Variants in SNX24 observed in about 807,000 individuals in gnomAD.
SNX24 encodes sorting nexin-24.
In SNX24, 22 loss-of-function variants were observed where a neutral mutation model predicts 28.7. That is an observed-to-expected ratio of 0.77 (90% confidence interval 0.55 to 1.10). The LOEUF is 1.10. SNX24 is among the 50% of genes least tolerant of loss of function. The pLI is 0.00. For synonymous variants in SNX24, 69 were observed against 71.5 expected (o/e 0.96, Z 0.18); for missense variants, 221 against 201.1 (o/e 1.10, Z -0.60).
chr5:122,988,871 C>T (rs933932177), intron 3 of SNX24, among the ~76,000 whole-genome samples: 2 of 152,078 alleles, frequency 1.3e-5, no homozygotes, highest in Non-Finnish European at 2.9e-5. Flanking sequence ...ATAGACTGTG[C>T]ATGAACCTAA....
chr5:122,940,947 C>T lies in SNX24; in HGVS notation c.144+4130C>T, dbSNP rs1251826483. On this transcript the variant is annotated intron_variant, in intron 2 of 6. Coordinates refer to ENST00000261369, the MANE Select transcript of SNX24 (RefSeq NM_014035.4). ...AGAATCTGTTTCCTTGCCTTTTCCACCATTCCTCGTCTCGTGGCCTCTTTC... is the reference window on the plus strand; with the variant it reads ...AGAATCTGTTTCCTTGCCTTTTCCATCATTCCTCGTCTCGTGGCCTCTTTC... 2.0e-5 allele frequency among the ~76,000 whole-genome samples: 3 copies of T among 152,192 alleles called. 1 individual carries two copies. The East Asian group carries it at 5.8e-4, about 29-fold the overall frequency.
chr5:122,915,899 A>G (rs1024617027), intron 1 of SNX24, among the ~76,000 whole-genome samples: 3 of 151,412 alleles, frequency 2.0e-5, no homozygotes, highest in Non-Finnish European at 2.9e-5. Flanking sequence ...TCCACCGTCA[A>G]CTCCCCCCAG....
chr5:122,962,768 G>A (rs1223725053), intron 3 of SNX24, among the ~76,000 whole-genome samples: 2 of 152,230 alleles, frequency 1.3e-5, no homozygotes, highest in African/African-American at 4.8e-5. Context: ...TGGCCCCAGA[G>A]CTTTGATTGG....
At chr5:122,910,818 T>A (rs972308849) in intron 1 of SNX24, among the ~76,000 whole-genome samples, 23 of 151,752 alleles carry the variant, frequency 1.5e-4, no homozygotes, top group Admixed American at 2.6e-4. Context: ...TTATGGCTGC[T>A]TAGTATTCCA....
intron 3 of SNX24, among the ~76,000 whole-genome samples, chr5:122,995,673 A>G (rs1267496862): frequency 6.6e-6 from 1 of 152,158 alleles, no homozygotes; most frequent in East Asian, 1.9e-4. Flanking sequence ...TATACCTGTA[A>G]AATTTATTGG....
At chr5:123,017,598 A>G (rs115328214) in intron 5 of SNX24, among the ~76,000 whole-genome samples, 19,836 of 152,000 alleles carry the variant, frequency 0.13, 1,588 homozygotes, top group East Asian at 0.36. Context: ...GTCCCCACCC[A>G]AATCTCATCT....
At chr5:122,971,491 C>T (rs1760956863) in intron 3 of SNX24, among the ~76,000 whole-genome samples, 1 of 152,150 alleles carries the variant, frequency 6.6e-6, no homozygotes, top group African/African-American at 2.4e-5. Context: ...ATACACATCT[C>T]CTGAAATCAT....
chr5:123,005,912 A>G (rs1378994227), intron 6 of SNX24, among the ~76,000 whole-genome samples: 4 of 152,256 alleles, frequency 2.6e-5, no homozygotes, highest in Non-Finnish European at 5.9e-5. Flanking sequence ...CACTAAAAAA[A>G]TCAAGTGTCA....
chr5:123,021,151 C>T (rs191528890), intron 5 of SNX24, among the ~76,000 whole-genome samples: 4 of 152,076 alleles, frequency 2.6e-5, no homozygotes, highest in African/African-American at 9.7e-5. Flanking sequence ...CCTTCAGTCC[C>T]CGCTGACCAC....
At chr5:123,003,047 A>G (rs954818976) in intron 6 of SNX24, among the ~76,000 whole-genome samples, 1 of 152,178 alleles carries the variant, frequency 6.6e-6, no homozygotes, top group Non-Finnish European at 1.5e-5. Flanking sequence ...TGTTTCTGGG[A>G]GTCACTAAAT....
intron 3 of SNX24, among the ~76,000 whole-genome samples, chr5:122,947,500 C>G (rs1053106175): frequency 3.3e-5 from 5 of 152,146 alleles, no homozygotes; most frequent in Non-Finnish European, 5.9e-5. Context: ...GAGGCAGGCT[C>G]TCTTTACTGT....
intron 1 of SNX24, among the ~76,000 whole-genome samples, chr5:122,848,658 G>A (rs1181671054): frequency 6.6e-6 from 1 of 152,050 alleles, no homozygotes; most frequent in Non-Finnish European, 1.5e-5. Flanking sequence ...GCAGAGAGCC[G>A]AGATCGCGCC....
At chr5:122,967,135 C>T (rs759658801) in intron 3 of SNX24, among the ~76,000 whole-genome samples, 1 of 152,148 alleles carries the variant, frequency 6.6e-6, no homozygotes, top group African/African-American at 2.4e-5. Context: ...ATCTTTTACC[C>T]ACTCACGCAT....
intron 1 of SNX24, among the ~76,000 whole-genome samples, chr5:122,863,973 C>A (rs768225116): frequency 2.6e-5 from 4 of 152,116 alleles, no homozygotes; most frequent in Non-Finnish European, 5.9e-5. Flanking sequence ...CGACATGATT[C>A]AGTATTTATT....
rs749120307 is a variant in SNX24, at chr5:123,007,739, A to C, written c.500A>C (p.Gln167Pro). The change falls in exon 7 of 7, where the codon CAG becomes CCG. Residue 167 changes from glutamine (Q) to proline (P), a missense_variant. Coordinates refer to ENST00000261369, the MANE Select transcript of SNX24 (RefSeq NM_014035.4). ...VLHGIFYPHL[Q>P]PR ...CATGGGATATTTTACCCTCATCTACAGCCCAGGTAGAAATCCTACATGGCT... is the reference window on the plus strand; with the variant it reads ...CATGGGATATTTTACCCTCATCTACCGCCCAGGTAGAAATCCTACATGGCT... 3.1e-6 allele frequency: 5 copies of C among 1,600,040 alleles called. No homozygotes were observed. In the South Asian group the frequency reaches 5.8e-5, roughly 18 times the overall value.
At chr5:122,987,981 C>A (rs1417325009) in intron 3 of SNX24, among the ~76,000 whole-genome samples, 2 of 152,058 alleles carry the variant, frequency 1.3e-5, no homozygotes, top group African/African-American at 4.8e-5. Context: ...GTAAATAAAA[C>A]CATGTAAGAA....
intron 3 of SNX24, among the ~76,000 whole-genome samples, chr5:122,992,110 A>C (rs1446816883): frequency 2.6e-5 from 4 of 152,230 alleles, no homozygotes; most frequent in Non-Finnish European, 1.5e-5. Context: ...GAAATGATAC[A>C]TAATTCGAAC....
intron 1 of SNX24, among the ~76,000 whole-genome samples, chr5:122,908,093 G>A (rs1757725348): frequency 6.6e-6 from 1 of 152,190 alleles, no homozygotes; most frequent in African/African-American, 2.4e-5. Flanking sequence ...GTCAGGAGAT[G>A]GGTTTGGTGC....
At chr5:122,905,977 G>A (rs1392888126) in intron 1 of SNX24, among the ~76,000 whole-genome samples, 1 of 152,200 alleles carries the variant, frequency 6.6e-6, no homozygotes, top group African/African-American at 2.4e-5. Flanking sequence ...ACTGGAGACA[G>A]AATAACAGCT....
Sources: allele counts gnomAD v4.1 joint callset (sites outside exome capture counted in the v4.1 genomes callset), GRCh38; gene constraint gnomAD v4.1.1; transcripts MANE v1.5; gene names NCBI Gene and HGNC (gene_info 2026-07-23, HGNC 2026-07-21).